Variants in SYT2 observed in about 807,000 individuals in gnomAD.
SYT2 encodes the protein synaptotagmin-2.
A neutral mutation model predicts 39.9 loss-of-function variants in SYT2; 15 were observed. The ratio of observed to expected loss-of-function variants is 0.38; its 90% CI spans 0.25 to 0.58. The LOEUF (loss-of-function observed/expected upper bound fraction) is 0.58, where lower values mean the gene tolerates loss of function less well. Ranked by LOEUF, SYT2 falls within the 20% of genes least tolerant of loss-of-function variation. The probability of loss-of-function intolerance (pLI) is 0.70; values close to 1 mark genes in which losing one functional copy is unlikely to be tolerated. For synonymous variants in SYT2, 181 were observed against 204.5 expected, an observed-to-expected ratio of 0.89 and a Z score of 0.98; for missense variants, 389 against 530.3, an observed-to-expected ratio of 0.73 and a Z score of 2.62.
At chr1:202,597,924 TG>T (rs1256695185) in intron 8 of SYT2, among the ~76,000 whole-genome samples, 3 of 152,196 alleles carry the variant, frequency 2.0e-5, no homozygotes, top group Non-Finnish European at 4.4e-5. Flanking sequence ...CTTTTTCCCC[TG>T]TGACTCCAGC....
intron 1 of SYT2, among the ~76,000 whole-genome samples, chr1:202,708,978 G>C (rs935421125): frequency 3.9e-5 from 6 of 152,222 alleles, no homozygotes; most frequent in Non-Finnish European, 7.4e-5. Context: ...CAGATTGGAT[G>C]GAGGACAATC....
intron 1 of SYT2, among the ~76,000 whole-genome samples, chr1:202,670,116 A>G (rs1431952130): frequency 6.6e-6 from 1 of 152,168 alleles, no homozygotes; most frequent in Admixed American, 6.5e-5. Context: ...AATACCACTA[A>G]TGCTATCAGC....
intron 1 of SYT2, among the ~76,000 whole-genome samples, chr1:202,629,155 AATT>A (rs1441354927): frequency 2.6e-5 from 4 of 152,006 alleles, no homozygotes; most frequent in Non-Finnish European, 5.9e-5. Flanking sequence ...CCTTTTTTTA[AATT>A]ATTATTTTCT....
chr1:202,665,043 A>T (rs1163647300), intron 1 of SYT2, among the ~76,000 whole-genome samples: 1 of 152,240 alleles, frequency 6.6e-6, no homozygotes, highest in Non-Finnish European at 1.5e-5. Flanking sequence ...ATAGTATGCC[A>T]TTCTATGATG....
chr1:202,684,605 A>T (rs1653612802), intron 1 of SYT2, among the ~76,000 whole-genome samples: 1 of 152,182 alleles, frequency 6.6e-6, no homozygotes, highest in South Asian at 2.1e-4. Context: ...ATGGGGGTGC[A>T]GGTGTCTCCA....
At chr1:202,638,697 C>A in intron 1 of SYT2, among the ~76,000 whole-genome samples, 1 of 152,178 alleles carries the variant, frequency 6.6e-6, no homozygotes, top group East Asian at 1.9e-4. Flanking sequence ...TGCTCACACC[C>A]GAGGCCCTAC....
intron 8 of SYT2, among the ~76,000 whole-genome samples, chr1:202,598,018 G>A (rs530997991): frequency 3.9e-5 from 6 of 152,310 alleles, no homozygotes; most frequent in South Asian, 2.1e-4. Flanking sequence ...TGAAGCTGTC[G>A]TCTCACTGTG....
chr1:202,658,908 G>A (rs1181970941), intron 1 of SYT2, among the ~76,000 whole-genome samples: 1 of 152,110 alleles, frequency 6.6e-6, no homozygotes, highest in African/African-American at 2.4e-5. Flanking sequence ...TAAAAGCTGG[G>A]ACACAGACTG....
At chr1:202,625,642 C>T (rs1275390557) in intron 1 of SYT2, among the ~76,000 whole-genome samples, 4 of 152,080 alleles carry the variant, frequency 2.6e-5, no homozygotes, top group Non-Finnish European at 4.4e-5. Context: ...CTGCCTCCAG[C>T]CCCATCTCCA....
chr1:202,604,201 T>C lies in SYT2; in HGVS notation c.345+254A>G, dbSNP rs138589621. On this transcript the variant is annotated intron_variant, in intron 3 of 8. Coordinates refer to ENST00000367268, the MANE Select transcript of SYT2 (RefSeq NM_177402.5). ...CCAACATTTTGTCCCAGTAGCCTCATTGGGGAGTCAATATATTGTTCTCCT... is the reference window on the plus strand; with the variant it reads ...CCAACATTTTGTCCCAGTAGCCTCACTGGGGAGTCAATATATTGTTCTCCT... 102 of 413,642 alleles carry C rather than the reference T, an allele frequency of 2.5e-4. 5 individuals are homozygous for C. Among genetic ancestry groups the C allele is most frequent in the Middle Eastern group, 6.3e-4 (1 of 1,588 alleles). The allele number at this position is 413,642 out of a possible 1,614,324, so 25.6% of individuals were successfully genotyped here.
At chr1:202,705,439 T>C (rs1262533934) in intron 1 of SYT2, among the ~76,000 whole-genome samples, 2 of 152,222 alleles carry the variant, frequency 1.3e-5, no homozygotes, top group Non-Finnish European at 2.9e-5. Flanking sequence ...TTAGTGTTAC[T>C]GACAGCAAAA....
At chr1:202,653,220 G>A (rs946184003) in intron 1 of SYT2, among the ~76,000 whole-genome samples, 4 of 151,866 alleles carry the variant, frequency 2.6e-5, no homozygotes, top group East Asian at 1.9e-4. Flanking sequence ...TCCCCAACAC[G>A]GACCCCCCCT....
chr1:202,661,628 C>A (rs1692383682), intron 1 of SYT2, among the ~76,000 whole-genome samples: 1 of 152,140 alleles, frequency 6.6e-6, no homozygotes, highest in Non-Finnish European at 1.5e-5. Context: ...TCATGCCAGT[C>A]CTGCATCCAT....
chr1:202,680,966 C>T (rs957011055), intron 1 of SYT2, among the ~76,000 whole-genome samples: 3 of 152,180 alleles, frequency 2.0e-5, no homozygotes, highest in Non-Finnish European at 4.4e-5. Flanking sequence ...GTTTCCCCAT[C>T]ACTGCTTCTA....
intron 1 of SYT2, among the ~76,000 whole-genome samples, chr1:202,613,157 T>C (rs1690937305): frequency 7.3e-6 from 1 of 136,384 alleles, no homozygotes; most frequent in Admixed American, 8.6e-5. Context: ...CTCGGCTCAC[T>C]GCAACCTCCG....
At chr1:202,693,441 T>C (rs1653893436) in intron 1 of SYT2, among the ~76,000 whole-genome samples, 1 of 152,138 alleles carries the variant, frequency 6.6e-6, no homozygotes, top group Non-Finnish European at 1.5e-5. Context: ...GACCCTACAA[T>C]ACTGAGATAC....
intron 1 of SYT2, among the ~76,000 whole-genome samples, chr1:202,663,245 G>A (rs1434717194): frequency 6.6e-6 from 1 of 152,196 alleles, no homozygotes; most frequent in Non-Finnish European, 1.5e-5. Flanking sequence ...AAGGGATGCG[G>A]AGGTCATTAC....
In SYT2 at chr1:202,596,346, C is replaced by A; in HGVS notation, c.*411G>T. On this transcript the variant is annotated 3_prime_UTR_variant, in exon 9 of 9. Transcript: ENST00000367268. ...ACACACACACACACACGATCATTGG[C>A]CACTGTGATGCCTTCCCTGTCAGGA... 1 of 186,374 alleles carries A rather than the reference C, an allele frequency of 5.4e-6. No homozygotes were observed. The highest frequency in any genetic ancestry group is 1.1e-5 in the Non-Finnish European group (1 of 91,334). The allele number at this position is 186,374 out of a possible 1,614,324, so 11.5% of individuals were successfully genotyped here. A position where few individuals can be genotyped will look rare whatever the true frequency, so the allele number is the denominator to read the frequency against.
intron 1 of SYT2, among the ~76,000 whole-genome samples, chr1:202,641,751 G>C (rs1237581179): frequency 6.6e-6 from 1 of 152,240 alleles, no homozygotes; most frequent in Non-Finnish European, 1.5e-5. Flanking sequence ...TGGAGGTAGA[G>C]AGCAGACCGC....
Sources: allele counts gnomAD v4.1 joint callset (sites outside exome capture counted in the v4.1 genomes callset), GRCh38; gene constraint gnomAD v4.1.1; transcripts MANE v1.5; gene names NCBI Gene and HGNC (gene_info 2026-07-23, HGNC 2026-07-21).